The following ITGAL variants were observed in gnomAD, a reference collection of about 807,000 sequenced individuals.
ITGAL encodes integrin alpha-L.
In ITGAL, 68 loss-of-function variants were observed where a neutral mutation model predicts 138.4. The observed-to-expected ratio is 0.49, with a 90% CI of 0.40 to 0.60. ITGAL has a LOEUF of 0.60. ITGAL is among the 20% of genes least tolerant of loss of function. ITGAL has a pLI of 0.00. For missense variants in ITGAL, 1,256 were observed against 1,478.6 expected (o/e 0.85, Z 2.47); for synonymous variants, 561 against 584.3 (o/e 0.96, Z 0.57).
Position 30,504,251 on chromosome 16 carries a change from G to A in ITGAL, c.2222G>A (p.Arg741Lys), listed in dbSNP as rs1441268868. The change falls in exon 18 of 31, where the codon AGG becomes AAG. Residue 741 changes from arginine to lysine, a missense_variant. Coordinates refer to ENST00000356798, the MANE Select transcript of ITGAL (RefSeq NM_002209.3). ...FSLWEEEGTP[R>K]DQRAQGKDIP... The stretch of plus-strand genomic sequence containing the variant: ...CTTTGGGAGGAGGAAGGGACACCGA[G>A]GGACCAAAGGGCGGTAAGAAGAGAT... The A allele has an allele frequency of 2.5e-6, 4 of 1,612,260 alleles. No individual in the cohort carries two copies. The highest frequency in any genetic ancestry group is 1.3e-5 in the African/African-American group (1 of 74,902).
Position 30,510,405 on chromosome 16 carries a change from G to A in ITGAL, c.2553G>A (p.Glu851=). Residue 851 remains glutamate, a synonymous_variant, in exon 22 of 31, where the codon GAG becomes GAA. Coordinates refer to ENST00000356798, the MANE Select transcript of ITGAL (RefSeq NM_002209.3). The stretch of plus-strand genomic sequence containing the variant: ...TGAGCTGCGAGGAGCTTCCTGAAGA[G>A]TCCAGGCTTCTGTCCAGGGCATTAT... ...IPVSCEELPE[E]SRLLSRALSC... 1 of 1,613,608 alleles carries A rather than the reference G, an allele frequency of 6.2e-7. No homozygotes were observed. Among genetic ancestry groups the A allele is most frequent in the Non-Finnish European group, 8.5e-7 (1 of 1,179,512 alleles).
chr16:30,484,059 A>T, intron 8 of ITGAL, 54 bp from the exon 9 acceptor site: 1 of 1,597,320 alleles, frequency 6.3e-7, no homozygotes, highest in Non-Finnish European at 8.6e-7. Flanking sequence ...AAATAATAGC[A>T]AACTGGACTG....
At chr16:30,495,277 G>A (rs557716214) in intron 13 of ITGAL, among the ~76,000 whole-genome samples, 8 of 152,176 alleles carry the variant, frequency 5.3e-5, no homozygotes, top group East Asian at 1.9e-4. Flanking sequence ...CACCCACCTC[G>A]GCCTCCCAAA....
chr16:30,520,862 A>G (rs970822334), intron 30 of ITGAL, among the ~76,000 whole-genome samples: 11 of 152,186 alleles, frequency 7.2e-5, no homozygotes, highest in African/African-American at 2.7e-4. Flanking sequence ...AGGCAGGTGG[A>G]TCACCTGAGG....
chr16:30,496,800 C>T (rs979572800), intron 15 of ITGAL, among the ~76,000 whole-genome samples: 3 of 121,686 alleles, frequency 2.5e-5, no homozygotes, highest in African/African-American at 9.4e-5. Context: ...CGCCACCACA[C>T]CTGGCTAATT....
Position 30,475,576 on chromosome 16 carries a change from T to C in ITGAL, c.323T>C (p.Ile108Thr), listed in dbSNP as rs1318955712. 6 of 1,612,578 alleles carry C rather than the reference T, an allele frequency of 3.7e-6. No individual in the cohort carries two copies. The highest frequency in any genetic ancestry group is 4.2e-6 in the Non-Finnish European group (5 of 1,178,802). ...TLATDPTDGSILACDPGLSRT... is the reference protein window; with the variant it reads ...TLATDPTDGSTLACDPGLSRT... ...GCAACAGACCCCACAGATGGAAGCA[T>C]TTTGGTAAGAATTTTGTGCAGTGGT... The change falls in exon 4 of 31, where the codon ATT becomes ACT. Residue 108 changes from isoleucine to threonine, a missense_variant. Ile to Thr is a moderately conservative substitution (Grantham distance 89, BLOSUM62 -1). Coordinates refer to ENST00000356798, the MANE Select transcript of ITGAL (RefSeq NM_002209.3).
At chr16:30,516,079 T>C (rs749649066) in intron 25 of ITGAL, among the ~76,000 whole-genome samples, 2 of 152,238 alleles carry the variant, frequency 1.3e-5, no homozygotes, top group Non-Finnish European at 2.9e-5. Context: ...CAAATGTTCG[T>C]TGAATGAATA....
intron 2 of ITGAL, 36 bp downstream of exon 2, chr16:30,474,334 C>CCAGGGCGGGCATCA: frequency 6.8e-7 from 1 of 1,462,866 alleles, no homozygotes; most frequent in Non-Finnish European, 9.4e-7. Context: ...TCCTGATGCC[C>CCAGGGCGGGCATCA]GCCCTGGGGC....
In ITGAL at chr16:30,481,703, CT is replaced by C; in HGVS notation, c.722+120del. On this transcript the variant is annotated intron_variant, in intron 7 of 30. Coordinates refer to ENST00000356798, the MANE Select transcript of ITGAL (RefSeq NM_002209.3). ...GGTACAGCAAGGGGCAGTTTATTGTCTGAATTGAAGTGGAACAATTTTACTG... is the reference window on the plus strand; with the variant it reads ...GGTACAGCAAGGGGCAGTTTATTGTCGAATTGAAGTGGAACAATTTTACTG... 7 of 859,888 alleles carry C rather than the reference CT, an allele frequency of 8.1e-6. No homozygotes were observed. The South Asian group carries it at 1.1e-4, about 13-fold the overall frequency. The allele number at this position is 859,888 out of a possible 1,614,324, so 53.3% of individuals were successfully genotyped here. A position where few individuals can be genotyped will look rare whatever the true frequency, so the allele number is the denominator to read the frequency against.
intron 17 of ITGAL, among the ~76,000 whole-genome samples, chr16:30,501,432 CT>C (rs2050896091): frequency 6.6e-6 from 1 of 151,862 alleles, no homozygotes; most frequent in African/African-American, 2.4e-5. Flanking sequence ...ACAAAATTAG[CT>C]GGGCGTGGTG....
At position 30,516,956 on chromosome 16, in the gene ITGAL, C is replaced by A; in HGVS notation, c.2863-17C>A. The A allele has an allele frequency of 6.3e-7, 1 of 1,578,208 alleles. No individual in the cohort carries two copies. The highest frequency in any genetic ancestry group is 8.7e-7 in the Non-Finnish European group (1 of 1,147,540). On this transcript the variant is annotated splice_polypyrimidine_tract_variant and intron_variant, in intron 25 of 30. Coordinates refer to ENST00000356798, the MANE Select transcript of ITGAL (RefSeq NM_002209.3). ...GGCTGGCATTCAGGGCTCTGCATCC[C>A]TTGTCCTCTGTGCCAGGTGAGGATC...
At chr16:30,480,480 C>T (rs2050537377) in intron 6 of ITGAL, 1 of 152,116 alleles carries the variant, frequency 6.6e-6, no homozygotes, top group African/African-American at 2.4e-5. Flanking sequence ...CCCGGCCCAG[C>T]CAACTGTATC....
chr16:30,500,026 G>A (rs2050870357), intron 17 of ITGAL, among the ~76,000 whole-genome samples: 1 of 148,674 alleles, frequency 6.7e-6, no homozygotes, highest in Non-Finnish European at 1.5e-5. Context: ...TGGGATTACA[G>A]GCATGAGCCA....
At chr16:30,518,918 A>C (rs1295932858) in intron 29 of ITGAL, among the ~76,000 whole-genome samples, 199 bp downstream of exon 29, 1 of 152,112 alleles carries the variant, frequency 6.6e-6, no homozygotes, top group Non-Finnish European at 1.5e-5. Context: ...TAGTAGACTT[A>C]TGTGTCGAGT....
At chr16:30,520,063 C>T in intron 30 of ITGAL, 96 bp downstream of exon 30, 1 of 898,142 alleles carries the variant, frequency 1.1e-6, no homozygotes, top group Non-Finnish European at 1.8e-6. Context: ...AGCCAGAGGG[C>T]ATAAGAGCCA....
intron 25 of ITGAL, 54 bp downstream of exon 25, chr16:30,513,900 C>T (rs367953840): frequency 4.7e-5 from 64 of 1,360,016 alleles, no homozygotes; most frequent in Middle Eastern, 1.8e-4. Flanking sequence ...TTCTTTATCC[C>T]GGGGACTGAG....
chr16:30,502,204 T>C (rs1022009225), intron 17 of ITGAL, among the ~76,000 whole-genome samples: 4 of 149,952 alleles, frequency 2.7e-5, no homozygotes, highest in Non-Finnish European at 4.4e-5. Context: ...GAGACCATCC[T>C]GGCTAACACG....
chr16:30,478,768 G>A (rs2050511047), intron 4 of ITGAL, among the ~76,000 whole-genome samples: 1 of 151,970 alleles, frequency 6.6e-6, no homozygotes, highest in African/African-American at 2.4e-5. Flanking sequence ...ATTTGATTTG[G>A]CTGGAACACA....
intron 21 of ITGAL, 108 bp downstream of exon 21, chr16:30,506,964 T>G (rs1597098718): frequency 8.1e-7 from 1 of 1,230,188 alleles, no homozygotes; most frequent in Non-Finnish European, 1.2e-6. Flanking sequence ...CAGCTGCGGG[T>G]GGACAGGGGT....
Sources: gnomAD v4.1 joint callset for allele counts (sites outside exome capture counted in the v4.1 genomes callset) on GRCh38, gnomAD v4.1.1 for gene constraint, MANE v1.5 for transcripts, NCBI Gene and HGNC (gene_info 2026-07-23, HGNC 2026-07-21) for gene names.